Variants in ARSK observed in about 807,000 individuals in gnomAD.
ARSK encodes arylsulfatase family member K, also known as arylsulfatase K.
ARSK carries 37 observed loss-of-function variants against 53.2 expected under a neutral mutation model. The observed-to-expected ratio is 0.70, with a 90% CI of 0.54 to 0.92. The LOEUF (loss-of-function observed/expected upper bound fraction) is 0.92, where lower values mean the gene tolerates loss of function less well. Ranked by LOEUF, ARSK falls within the 40% of genes least tolerant of loss-of-function variation. ARSK has a pLI of 0.00. For synonymous variants in ARSK, 208 were observed against 223.2 expected (o/e 0.93, Z 0.61); for missense variants, 613 against 643.0 (o/e 0.95, Z 0.51).
chr5:95,603,070 T>G (rs904363958), intron 7 of ARSK, among the ~76,000 whole-genome samples, 167 bp from the exon 8 acceptor site: 1 of 152,176 alleles, frequency 6.6e-6, no homozygotes, highest in African/African-American at 2.4e-5. Context: ...ATAGGGTGTT[T>G]AACTCCTGGT....
chr5:95,566,389 A>T (rs560748173), intron 2 of ARSK, among the ~76,000 whole-genome samples: 2 of 152,304 alleles, frequency 1.3e-5, no homozygotes, highest in Admixed American at 6.5e-5. Context: ...GGGGACTAAG[A>T]ATCTTTTGGC....
rs1417454886 is a variant in ARSK at position 95,601,531 on chromosome 5, AGCTAAGAAG to A, written c.1321+461_1321+469del. The stretch of plus-strand genomic sequence containing the variant: ...TTTGGATACCTGTGTGAGGTCTCAC[AGCTAAGAAG>A]TAGCAGAACTGAGATTTCAACGAAG... On this transcript the variant is annotated intron_variant, in intron 7 of 7. Coordinates refer to ENST00000380009, the MANE Select transcript of ARSK (RefSeq NM_198150.3). Among the ~76,000 whole-genome samples the A allele has an allele frequency of 7.2e-5, 11 of 152,358 alleles. No individual in the cohort carries two copies. In the South Asian group the frequency reaches 2.3e-3, roughly 32 times the overall value.
At chr5:95,585,782 C>A (rs1749101803) in intron 4 of ARSK, among the ~76,000 whole-genome samples, 1 of 152,014 alleles carries the variant, frequency 6.6e-6, no homozygotes, top group African/African-American at 2.4e-5. Flanking sequence ...ATTCATGCAA[C>A]CACGCCTGTT....
chr5:95,564,396 A>G (rs987127892), intron 1 of ARSK, among the ~76,000 whole-genome samples: 2 of 152,206 alleles, frequency 1.3e-5, no homozygotes, highest in African/African-American at 4.8e-5. Context: ...TAAGACATGC[A>G]TAATTTTCCC....
chr5:95,585,797 A>C (rs1244295718), intron 4 of ARSK, among the ~76,000 whole-genome samples: 1 of 152,176 alleles, frequency 6.6e-6, no homozygotes, highest in Non-Finnish European at 1.5e-5. Context: ...CCTGTTCCCC[A>C]AAAACCTGTG....
At chr5:95,594,523 A>G (rs1234719882) in intron 6 of ARSK, among the ~76,000 whole-genome samples, 2 of 152,212 alleles carry the variant, frequency 1.3e-5, no homozygotes, top group Non-Finnish European at 2.9e-5. Context: ...AAAGGTTAAG[A>G]AGAATTAGAA....
intron 3 of ARSK, 142 bp from the exon 4 acceptor site, chr5:95,582,774 T>A: frequency 2.7e-6 from 2 of 745,112 alleles, no homozygotes; most frequent in South Asian, 4.4e-5. Context: ...ACTTTCTTTT[T>A]GAGATCTAAT....
chr5:95,583,531 A>G (rs2112433567), intron 4 of ARSK, among the ~76,000 whole-genome samples: 1 of 152,298 alleles, frequency 6.6e-6, no homozygotes, highest in Non-Finnish European at 1.5e-5. Context: ...CACATAAAAC[A>G]ACCTTAATAA....
chr5:95,573,732 T>A (rs1396588982), intron 3 of ARSK, among the ~76,000 whole-genome samples: 2 of 152,248 alleles, frequency 1.3e-5, no homozygotes, highest in African/African-American at 4.8e-5. Flanking sequence ...GCAGTATTTT[T>A]AATTGTTGTA....
At chr5:95,558,863 G>A (rs189609641) in intron 1 of ARSK, among the ~76,000 whole-genome samples, 100 of 152,242 alleles carry the variant, frequency 6.6e-4, no homozygotes, top group African/African-American at 2.4e-3. Flanking sequence ...CAGTTTGGCC[G>A]GGCGCGGTGG....
chr5:95,582,331 TA>T (rs1205777151), intron 3 of ARSK, among the ~76,000 whole-genome samples: 5 of 152,104 alleles, frequency 3.3e-5, no homozygotes, highest in African/African-American at 9.7e-5. Flanking sequence ...TATAAATGAG[TA>T]ATAAAGAAAA....
intron 1 of ARSK, among the ~76,000 whole-genome samples, chr5:95,565,293 G>C (rs538155410): frequency 6.6e-6 from 1 of 152,178 alleles, no homozygotes; most frequent in South Asian, 2.1e-4. Context: ...GTGTTGCCCA[G>C]GCTGGTCTTG....
At chr5:95,564,215 T>C (rs962358839) in intron 1 of ARSK, among the ~76,000 whole-genome samples, 2 of 152,128 alleles carry the variant, frequency 1.3e-5, no homozygotes, top group South Asian at 4.1e-4. Context: ...TGACCTCAGG[T>C]GATCTGCCTG....
rs373897271 is a variant in ARSK, at chr5:95,560,171, GAAAT to G, written c.126+4771_126+4774del. On this transcript the variant is annotated intron_variant, in intron 1 of 7. Coordinates refer to ENST00000380009, the MANE Select transcript of ARSK (RefSeq NM_198150.3). ...CGAAAACTACAAAACATTGTTGAAA[GAAAT>G]AAAAGAACATTTAAATAAATGAACA... Among the ~76,000 whole-genome samples, 19 of 152,160 alleles carry G rather than the reference GAAAT, an allele frequency of 1.2e-4. No homozygotes were observed. The South Asian group carries it at 3.7e-3, about 30-fold the overall frequency.
intron 1 of ARSK, among the ~76,000 whole-genome samples, chr5:95,562,283 C>T (rs1284511182): frequency 6.6e-6 from 1 of 152,094 alleles, no homozygotes; most frequent in Non-Finnish European, 1.5e-5. Context: ...TCTTAAAGGA[C>T]AGAGGCATCT....
Position 95,568,061 on chromosome 5 carries a change from A to G in ARSK, c.416+12A>G. 1.2e-6 allele frequency: 2 copies of G among 1,611,550 alleles called. No homozygotes were observed. The highest frequency in any genetic ancestry group is 1.7e-6 in the Non-Finnish European group (2 of 1,178,854). Reference sequence around the variant, plus strand: ...CATCACTCCATTAGGTAAAAATAAAACAAAAATAATCATCATGGACTGCCC... The same window carrying G: ...CATCACTCCATTAGGTAAAAATAAAGCAAAAATAATCATCATGGACTGCCC... On this transcript the variant is annotated intron_variant, in intron 3 of 7. Coordinates refer to ENST00000380009, the MANE Select transcript of ARSK (RefSeq NM_198150.3).
chr5:95,579,799 A>G (rs1271024251), intron 3 of ARSK, among the ~76,000 whole-genome samples: 7 of 152,162 alleles, frequency 4.6e-5, no homozygotes, highest in Non-Finnish European at 1.0e-4. Context: ...GATATAATGA[A>G]ACACTGAAGC....
At chr5:95,580,842 G>C in intron 3 of ARSK, 11 of 1,115,986 alleles carry the variant, frequency 9.9e-6, no homozygotes, top group Middle Eastern at 3.3e-4. Flanking sequence ...TTATACTCAT[G>C]TTCTTCCTCA....
chr5:95,572,640 T>C (rs1049890998), intron 3 of ARSK, among the ~76,000 whole-genome samples: 5 of 152,166 alleles, frequency 3.3e-5, no homozygotes, highest in Non-Finnish European at 7.4e-5. Context: ...TAGCCGGGCG[T>C]GGTGGCGGGC....
Sources: allele counts gnomAD v4.1 joint callset (sites outside exome capture counted in the v4.1 genomes callset), GRCh38; gene constraint gnomAD v4.1.1; transcripts MANE v1.5; gene names NCBI Gene and HGNC (gene_info 2026-07-23, HGNC 2026-07-21).